SBF2: variants seen among roughly 807,000 people sequenced by gnomAD.
SBF2 encodes myotubularin-related protein 13.
SBF2 carries 112 observed loss-of-function variants against 225.2 expected under a neutral mutation model. The observed-to-expected ratio is 0.50, with a 90% CI of 0.43 to 0.58. The LOEUF (loss-of-function observed/expected upper bound fraction) is 0.58, where lower values mean the gene tolerates loss of function less well. Ranked by LOEUF, SBF2 falls within the 20% of genes least tolerant of loss-of-function variation. The pLI is 0.00. For synonymous variants in SBF2, 763 were observed against 773.3 expected, an observed-to-expected ratio of 0.99 and a Z score of 0.22; for missense variants, 1,996 against 2,206.2, an observed-to-expected ratio of 0.90 and a Z score of 1.91.
rs1208450412 is a variant in SBF2, at chr11:9,939,240, C to T, written c.1860+22717G>A. On this transcript the variant is annotated intron_variant, in intron 16 of 39. Coordinates refer to ENST00000256190, the MANE Select transcript of SBF2 (RefSeq NM_030962.4). ...CCTTCCAAGTAGCTGGGATTACAGG[C>T]ACCTGCCACCACGCCCGGCTAATTT... Among the ~76,000 whole-genome samples, 4 of 152,098 alleles carry T rather than the reference C, an allele frequency of 2.6e-5. No individual in the cohort carries two copies. In the East Asian group the frequency reaches 7.7e-4, roughly 29 times the overall value.
At chr11:10,216,124 C>T (rs112460220) in intron 1 of SBF2, among the ~76,000 whole-genome samples, 1 of 152,194 alleles carries the variant, frequency 6.6e-6, no homozygotes, top group African/African-American at 2.4e-5. Context: ...TGGTCCTTCC[C>T]GATGCTTCCA....
chr11:9,830,701 T>C (rs1289471209), intron 27 of SBF2, among the ~76,000 whole-genome samples: 20 of 149,000 alleles, frequency 1.3e-4, no homozygotes, highest in Admixed American at 4.7e-4. Context: ...GATTGCGCCA[T>C]TGCACTCCAG....
intron 17 of SBF2, among the ~76,000 whole-genome samples, chr11:9,870,972 GA>G (rs35752884): frequency 0.31 from 33,438 of 106,268 alleles, 4,469 homozygotes; most frequent in African/African-American, 0.45. Context: ...GAATCCGTCT[GA>G]AAAAAAAAAA....
chr11:10,150,294 A>G (rs1391117257), intron 2 of SBF2, among the ~76,000 whole-genome samples: 1 of 152,132 alleles, frequency 6.6e-6, no homozygotes, highest in Non-Finnish European at 1.5e-5. Flanking sequence ...TCCAAATCAA[A>G]TATTTCGTTG....
At chr11:9,826,539 C>G (rs1554913143) in intron 28 of SBF2, among the ~76,000 whole-genome samples, 1 of 152,036 alleles carries the variant, frequency 6.6e-6, no homozygotes, top group Non-Finnish European at 1.5e-5. Flanking sequence ...AGTACACTTA[C>G]TTTCTAACCT....
In SBF2 at chr11:10,029,858, G is replaced by A. The variant is rs374171105; in HGVS notation, c.420C>T (p.Ile140=). Residue 140 remains isoleucine (I), a synonymous_variant, in exon 5 of 40, where the codon ATC becomes ATT. Coordinates refer to ENST00000256190, the MANE Select transcript of SBF2 (RefSeq NM_030962.4). ...PEIFRACLGL[I]YTVYVDSLNV... Reference sequence around the variant, plus strand: ...TCAGGCTGTCCACATACACGGTATAGATCAAACCCAGGCAAGCCTGCAAAA... The same window carrying A: ...TCAGGCTGTCCACATACACGGTATAAATCAAACCCAGGCAAGCCTGCAAAA... The A allele has an allele frequency of 8.1e-6, 13 of 1,612,716 alleles. No individual in the cohort carries two copies. The highest frequency in any genetic ancestry group is 1.1e-5 in the Non-Finnish European group (13 of 1,178,872).
At chr11:10,145,513 T>G (rs1452630045) in intron 2 of SBF2, among the ~76,000 whole-genome samples, 1 of 152,126 alleles carries the variant, frequency 6.6e-6, no homozygotes, top group Non-Finnish European at 1.5e-5. Context: ...AGGGCTGTGT[T>G]TAAAAACTAC....
At chr11:9,974,874 C>T (rs563944688) in intron 13 of SBF2, among the ~76,000 whole-genome samples, 2 of 143,962 alleles carry the variant, frequency 1.4e-5, no homozygotes, top group African/African-American at 2.6e-5. Flanking sequence ...GCAGGAGAAT[C>T]GCTTGAACCC....
chr11:10,154,950 A>C (rs1460109340), intron 2 of SBF2, among the ~76,000 whole-genome samples: 1 of 152,160 alleles, frequency 6.6e-6, no homozygotes, highest in Non-Finnish European at 1.5e-5. Context: ...TTTAAGTTAA[A>C]AGAATGAAAG....
intron 6 of SBF2, among the ~76,000 whole-genome samples, chr11:10,003,881 A>G (rs1004259069): frequency 6.6e-6 from 1 of 152,062 alleles, no homozygotes; most frequent in Non-Finnish European, 1.5e-5. Flanking sequence ...ATCTTTCTTT[A>G]TATCACTTCA....
At chr11:9,817,548 C>A (rs1854516756) in intron 28 of SBF2, among the ~76,000 whole-genome samples, 1 of 148,840 alleles carries the variant, frequency 6.7e-6, no homozygotes. Context: ...GTATATCATG[C>A]CAAAACGATG....
rs576130910 is a variant in SBF2, at chr11:10,228,433, A to T, written c.56-34446T>A. ...AAAGGAATGCTTCCAGTTTTTGCCC[A>T]TTCAGTATGATATTGGCTGTAGGTT... is the stretch of plus-strand genomic sequence containing the variant. On this transcript the variant is annotated intron_variant, in intron 1 of 39. Transcript: ENST00000256190. Among the ~76,000 whole-genome samples the T allele has an allele frequency of 8.9e-4, 135 of 152,276 alleles. 1 individual carries two copies. The East Asian group carries it at 0.025, about 28-fold the overall frequency.
chr11:9,963,687 A>C, intron 15 of SBF2, 86 bp downstream of exon 15: 2 of 713,468 alleles, frequency 2.8e-6, no homozygotes, highest in Non-Finnish European at 5.1e-6. Context: ...GGATAGAATT[A>C]AAGAAGAGAG....
chr11:10,150,372 T>C (rs1955116229), intron 2 of SBF2, among the ~76,000 whole-genome samples: 1 of 152,136 alleles, frequency 6.6e-6, no homozygotes, highest in Admixed American at 6.5e-5. Flanking sequence ...ACTCATTACT[T>C]TTTCAGGGGC....
rs182251539 is a variant in SBF2 at position 10,246,881 on chromosome 11, C to T, written c.55+47134G>A. On this transcript the variant is annotated intron_variant, in intron 1 of 39. Transcript: ENST00000256190. The stretch of plus-strand genomic sequence containing the variant: ...CTTGAGTCCAGGAGTTCAGGACCAG[C>T]CTGGGCACCATAGTGAGACCTTGTC... Among the ~76,000 whole-genome samples the T allele has an allele frequency of 2.6e-5, 4 of 152,180 alleles. No individual in the cohort carries two copies. In the East Asian group the frequency reaches 7.7e-4, roughly 29 times the overall value.
intron 17 of SBF2, among the ~76,000 whole-genome samples, chr11:9,877,668 T>C (rs1327043474): frequency 2.0e-5 from 3 of 152,216 alleles, no homozygotes; most frequent in East Asian, 1.9e-4. Context: ...GCTCTTGCGA[T>C]AGTTTGCTGA....
chr11:10,129,860 A>G (rs570843890), intron 2 of SBF2, among the ~76,000 whole-genome samples: 136 of 152,194 alleles, frequency 8.9e-4, no homozygotes, highest in Non-Finnish European at 1.5e-3. Flanking sequence ...ACAAACAAAC[A>G]TTAATGAGGT....
intron 38 of SBF2, among the ~76,000 whole-genome samples, chr11:9,782,874 GA>G (rs56057774): frequency 0.51 from 59,174 of 114,972 alleles, 12,422 homozygotes; most frequent in Admixed American, 0.58. Context: ...TGTCTCAAAA[GA>G]AAAAAAAAAA....
chr11:9,839,328 G>T (rs1855943459), intron 26 of SBF2, 170 bp downstream of exon 26: 2 of 705,282 alleles, frequency 2.8e-6, no homozygotes, highest in Non-Finnish European at 5.0e-6. Context: ...TTTCAGTAAG[G>T]TAATTGTTCC....
Sources: allele counts gnomAD v4.1 joint callset (sites outside exome capture counted in the v4.1 genomes callset), GRCh38; gene constraint gnomAD v4.1.1; transcripts MANE v1.5; gene names NCBI Gene and HGNC (gene_info 2026-07-23, HGNC 2026-07-21).